The following POU2AF2 variants were observed in gnomAD, a reference collection of about 807,000 sequenced individuals.
The protein encoded by POU2AF2 is POU class 2 homeobox associating factor 2, also known as POU domain class 2-associating factor 2.
chr11:111,258,084 C>CTGGA, the POU2AF2 span, among the ~76,000 whole-genome samples: 419 of 152,164 alleles, frequency 2.8e-3, 5 homozygotes, highest in African/African-American at 9.5e-3. Context: ...TGACACTGCG[C>CTGGA]TCCAGCCTGG....
the POU2AF2 span, among the ~76,000 whole-genome samples, chr11:111,265,316 A>G: frequency 6.6e-6 from 1 of 152,132 alleles, no homozygotes; most frequent in South Asian, 2.1e-4. Flanking sequence ...CTTACATTGC[A>G]CTGTCACTTC....
the POU2AF2 span, among the ~76,000 whole-genome samples, chr11:111,278,086 T>C: frequency 6.6e-6 from 1 of 152,188 alleles, no homozygotes; most frequent in South Asian, 2.1e-4. Context: ...AACCCATAAA[T>C]CAAAAGGTTT....
chr11:111,257,172 G>A, the POU2AF2 span, among the ~76,000 whole-genome samples: 4 of 152,184 alleles, frequency 2.6e-5, no homozygotes, highest in Admixed American at 6.5e-5. Flanking sequence ...AGAAATAAAT[G>A]AGACAACCAT....
chr11:111,278,574 C>G, the POU2AF2 span, among the ~76,000 whole-genome samples: 2 of 152,072 alleles, frequency 1.3e-5, no homozygotes, highest in African/African-American at 2.4e-5. Flanking sequence ...CTCTCTCTCT[C>G]TCTCTCTCTC....
the POU2AF2 span, among the ~76,000 whole-genome samples, chr11:111,264,744 A>G: frequency 2.1e-5 from 3 of 145,156 alleles, no homozygotes; most frequent in Non-Finnish European, 1.5e-5. Context: ...AAAGAAAGGA[A>G]GGAGGGAGGG....
chr11:111,276,453 A>AAAAAAAAAATATATATAT, the POU2AF2 span, among the ~76,000 whole-genome samples: 7 of 37,660 alleles, frequency 1.9e-4, no homozygotes, highest in East Asian at 1.2e-3. Context: ...AAAAAAAAAA[A>AAAAAAAAAATATATATAT]ATATATATAT....
chr11:111,249,407 C>T, the POU2AF2 span, among the ~76,000 whole-genome samples: 1 of 152,146 alleles, frequency 6.6e-6, no homozygotes, highest in Non-Finnish European at 1.5e-5. Context: ...AGAATTTGTA[C>T]CAGTTTCCAT....
chr11:111,264,558 AAGAAAGAAAGAAAGAAAG>A, the POU2AF2 span, among the ~76,000 whole-genome samples: 1 of 54,940 alleles, frequency 1.8e-5, no homozygotes, highest in African/African-American at 6.3e-5. Context: ...GAAAGAAAGA[AAGAAAGAAAGAAAGAAAG>A]GGAGAGAGAA....
chr11:111,268,001 G>A, the POU2AF2 span, among the ~76,000 whole-genome samples: 383 of 152,188 alleles, frequency 2.5e-3, 3 homozygotes, highest in African/African-American at 8.8e-3. Context: ...CTGCTCTTTG[G>A]CATTCTAATG....
chr11:111,281,799 T>C, the POU2AF2 span, among the ~76,000 whole-genome samples: 1 of 152,220 alleles, frequency 6.6e-6, no homozygotes, highest in East Asian at 1.9e-4. Context: ...GTCAGGCATT[T>C]GGTTCAGTAT....
At chr11:111,286,135 A>G in the POU2AF2 span, 6 of 1,508,674 alleles carry the variant, frequency 4.0e-6, no homozygotes, top group Non-Finnish European at 4.5e-6. Flanking sequence ...CAGCCCATTC[A>G]GGACTGGATT....
At chr11:111,255,664 C>A in the POU2AF2 span, among the ~76,000 whole-genome samples, 3 of 152,318 alleles carry the variant, frequency 2.0e-5, no homozygotes, top group East Asian at 5.8e-4. Context: ...AATCCTTGGA[C>A]TTGTGATTAA....
the POU2AF2 span, among the ~76,000 whole-genome samples, chr11:111,270,813 G>C: frequency 1.2e-4 from 19 of 152,066 alleles, no homozygotes; most frequent in African/African-American, 4.3e-4. Context: ...AGCCCTTGTT[G>C]ATAATCCTCT....
chr11:111,274,894 C>T, the POU2AF2 span, among the ~76,000 whole-genome samples: 2 of 152,084 alleles, frequency 1.3e-5, no homozygotes, highest in Admixed American at 1.3e-4. Flanking sequence ...CCAATCCTCT[C>T]CTAGAAGGGA....
At chr11:111,267,884 G>C in the POU2AF2 span, among the ~76,000 whole-genome samples, 2 of 152,278 alleles carry the variant, frequency 1.3e-5, no homozygotes, top group East Asian at 3.8e-4. Flanking sequence ...CATGGGGAGA[G>C]GAAGACTACC....
chr11:111,264,590 CAGAA>C, the POU2AF2 span, among the ~76,000 whole-genome samples: 1 of 111,820 alleles, frequency 8.9e-6, no homozygotes, highest in Non-Finnish European at 1.9e-5. Context: ...GAGAGAAAGA[CAGAA>C]AGAAGAAAGA....
the POU2AF2 span, among the ~76,000 whole-genome samples, chr11:111,255,491 A>G: frequency 0.019 from 2,890 of 152,016 alleles, 34 homozygotes; most frequent in Admixed American, 0.041. Flanking sequence ...TAAACCAATA[A>G]CAAACAACTT....
chr11:111,278,088 A>G, the POU2AF2 span, among the ~76,000 whole-genome samples: 1 of 152,242 alleles, frequency 6.6e-6, no homozygotes, highest in Non-Finnish European at 1.5e-5. Flanking sequence ...CCCATAAATC[A>G]AAAGGTTTGG....
chr11:111,254,956 C>T, the POU2AF2 span, among the ~76,000 whole-genome samples: 1 of 152,168 alleles, frequency 6.6e-6, no homozygotes, highest in Admixed American at 6.5e-5. Context: ...TAGAAAACAT[C>T]TTAGAATTCC....
Sources: gnomAD v4.1 joint callset for allele counts (sites outside exome capture counted in the v4.1 genomes callset) on GRCh38, gnomAD v4.1.1 for gene constraint, MANE v1.5 for transcripts, NCBI Gene and HGNC (gene_info 2026-07-23, HGNC 2026-07-21) for gene names.